RRAS2: variants seen among roughly 807,000 people sequenced by gnomAD.
RRAS2 encodes the protein ras-related protein R-Ras2.
Under a neutral mutation model 27.6 loss-of-function variants are expected in RRAS2, and 7 were observed. The ratio of observed to expected loss-of-function variants is 0.25; its 90% CI spans 0.14 to 0.48. The LOEUF (loss-of-function observed/expected upper bound fraction) is 0.48. Ranked by LOEUF, RRAS2 falls within the 20% of genes least tolerant of loss-of-function variation. RRAS2 has a pLI of 0.99. For synonymous variants in RRAS2, 86 were observed against 90.9 expected (o/e 0.95, Z 0.31); for missense variants, 178 against 256.2 (o/e 0.69, Z 2.08).
At chr11:14,309,249 C>T (rs1847903014) in intron 1 of RRAS2, among the ~76,000 whole-genome samples, 1 of 152,156 alleles carries the variant, frequency 6.6e-6, no homozygotes, top group South Asian at 2.1e-4. Flanking sequence ...AGAAGCAAAA[C>T]TAGAATTAAA....
At chr11:14,343,925 G>A (rs1848774649) in intron 1 of RRAS2, among the ~76,000 whole-genome samples, 1 of 151,604 alleles carries the variant, frequency 6.6e-6, no homozygotes, top group African/African-American at 2.4e-5. Context: ...CAGATCACTT[G>A]AGTCCAGGAG....
chr11:14,331,673 TAAAAA>T (rs80130992), intron 1 of RRAS2, among the ~76,000 whole-genome samples: 12 of 81,582 alleles, frequency 1.5e-4, no homozygotes, highest in South Asian at 4.0e-4. Context: ...CCCCAACTCT[TAAAAA>T]AAAAAAAAAA....
intron 1 of RRAS2, 49 bp from the exon 2 acceptor site, chr11:14,295,904 T>C (rs782119209): frequency 6.5e-7 from 1 of 1,542,254 alleles, no homozygotes; most frequent in Admixed American, 1.7e-5. Flanking sequence ...CCAGGCATGG[T>C]AGCTCACACC....
intron 1 of RRAS2, among the ~76,000 whole-genome samples, chr11:14,344,482 T>C (rs1407130871): frequency 2.0e-5 from 3 of 152,176 alleles, no homozygotes; most frequent in African/African-American, 7.2e-5. Context: ...AAATTACAAA[T>C]TTAATAGCCA....
chr11:14,292,420 A>G (rs886068130), intron 4 of RRAS2, among the ~76,000 whole-genome samples: 2 of 152,178 alleles, frequency 1.3e-5, no homozygotes, highest in African/African-American at 4.8e-5. Flanking sequence ...AGAGATAGGA[A>G]GAGAACTCCT....
intron 4 of RRAS2, among the ~76,000 whole-genome samples, chr11:14,288,487 C>T (rs2133952449): frequency 6.6e-6 from 1 of 152,322 alleles, no homozygotes; most frequent in South Asian, 2.1e-4. Flanking sequence ...AGAGCCATAG[C>T]ACTGTGGAAG....
chr11:14,280,076 A>G (rs1554944081), intron 5 of RRAS2, among the ~76,000 whole-genome samples: 1 of 152,228 alleles, frequency 6.6e-6, no homozygotes, highest in African/African-American at 2.4e-5. Context: ...TTATTTTAAG[A>G]AGGCACTGCC....
intron 1 of RRAS2, among the ~76,000 whole-genome samples, chr11:14,309,849 A>C (rs577144816): frequency 6.6e-6 from 1 of 152,360 alleles, no homozygotes; most frequent in South Asian, 2.1e-4. Context: ...ATTCAAAGTG[A>C]AATGAAAACC....
At chr11:14,313,489 T>A (rs185849089) in intron 1 of RRAS2, among the ~76,000 whole-genome samples, 3 of 152,296 alleles carry the variant, frequency 2.0e-5, no homozygotes, top group Admixed American at 1.3e-4. Context: ...AAAAGATATA[T>A]CCAACTCCTA....
chr11:14,290,450 G>A (rs1849781265), intron 4 of RRAS2, among the ~76,000 whole-genome samples: 1 of 151,998 alleles, frequency 6.6e-6, no homozygotes, highest in African/African-American at 2.4e-5. Context: ...CCCGTTTCAG[G>A]GGGGAAAAAA....
At chr11:14,341,719 A>G (rs1848711146) in intron 1 of RRAS2, 1 of 378,294 alleles carries the variant, frequency 2.6e-6, no homozygotes, top group Non-Finnish European at 5.3e-6. Context: ...CCATTTGACT[A>G]CACAGTTAAG....
chr11:14,344,455 T>C (rs1431300957), intron 1 of RRAS2, among the ~76,000 whole-genome samples: 1 of 152,186 alleles, frequency 6.6e-6, no homozygotes, highest in African/African-American at 2.4e-5. Flanking sequence ...ACCTTAATTT[T>C]AGAGGCAAAA....
chr11:14,336,002 CCA>C (rs1237921204), intron 1 of RRAS2, among the ~76,000 whole-genome samples: 1 of 152,132 alleles, frequency 6.6e-6, no homozygotes, highest in Non-Finnish European at 1.5e-5. Flanking sequence ...TCCTAGAATC[CCA>C]CACTCAAAAG....
intron 1 of RRAS2, among the ~76,000 whole-genome samples, chr11:14,343,776 G>A (rs1253866345): frequency 1.3e-5 from 2 of 152,110 alleles, no homozygotes; most frequent in Admixed American, 6.5e-5. Context: ...GGAGGTAGCA[G>A]TGAGCCGAGA....
At chr11:14,363,209 A>C (rs562957313), upstream of RRAS2, among the ~76,000 whole-genome samples, 1 of 152,022 alleles carries the variant, frequency 6.6e-6, no homozygotes, top group Admixed American at 6.5e-5. Context: ...GGTCACCAGC[A>C]CTCTTCTATC....
At chr11:14,298,496 T>C (rs921274959) in intron 1 of RRAS2, among the ~76,000 whole-genome samples, 1 of 152,246 alleles carries the variant, frequency 6.6e-6, no homozygotes, top group Admixed American at 6.5e-5. Flanking sequence ...CTACTCGCTA[T>C]GGACATTTCT....
chr11:14,348,349 A>G (rs1472484670), intron 1 of RRAS2, among the ~76,000 whole-genome samples: 1 of 152,202 alleles, frequency 6.6e-6, no homozygotes, highest in Non-Finnish European at 1.5e-5. Context: ...CTTTGAGACT[A>G]TATTAACATC....
intron 1 of RRAS2, among the ~76,000 whole-genome samples, chr11:14,337,813 T>C (rs1212107302): frequency 6.6e-6 from 1 of 152,068 alleles, no homozygotes; most frequent in Middle Eastern, 3.2e-3. Flanking sequence ...TTTTTAAAAA[T>C]TGTTCTGGGA....
At chr11:14,292,287 C>A (rs955512509) in intron 4 of RRAS2, among the ~76,000 whole-genome samples, 12 of 152,170 alleles carry the variant, frequency 7.9e-5, no homozygotes, top group South Asian at 4.1e-4. Flanking sequence ...TACAGGAGAT[C>A]TCCACCTATC....
Sources: allele counts gnomAD v4.1 joint callset (sites outside exome capture counted in the v4.1 genomes callset), GRCh38; gene constraint gnomAD v4.1.1; transcripts MANE v1.5; gene names NCBI Gene and HGNC (gene_info 2026-07-23, HGNC 2026-07-21).